The following STPG2 variants were observed in gnomAD, a reference collection of about 807,000 sequenced individuals.
STPG2 encodes the protein sperm tail PG-rich repeat containing 2, also known as sperm-tail PG-rich repeat-containing protein 2.
A neutral mutation model predicts 54.2 loss-of-function variants in STPG2; 56 were observed. The observed-to-expected ratio is 1.03, with a 90% CI of 0.83 to 1.29. The LOEUF (loss-of-function observed/expected upper bound fraction) is 1.29, where lower values mean the gene tolerates loss of function less well. Ranked by LOEUF, STPG2 falls within the 50% of genes most tolerant of loss-of-function variation. The pLI is 0.00. For synonymous variants in STPG2, 200 were observed against 181.8 expected (o/e 1.10, Z -0.81); for missense variants, 596 against 544.9 (o/e 1.09, Z -0.93).
At chr4:97,492,863 G>T (rs887389899) in intron 4 of STPG2, among the ~76,000 whole-genome samples, 1 of 149,786 alleles carries the variant, frequency 6.7e-6, no homozygotes, top group African/African-American at 2.4e-5. Context: ...TTCTAAGATG[G>T]CCACACCAAA....
intron 10 of STPG2, among the ~76,000 whole-genome samples, chr4:97,684,758 A>G: frequency 6.6e-6 from 1 of 152,000 alleles, no homozygotes; most frequent in Non-Finnish European, 1.5e-5. Flanking sequence ...CTCTTCATTA[A>G]AATTAAAAAC....
At chr4:97,653,287 C>T (rs115118907) in intron 10 of STPG2, among the ~76,000 whole-genome samples, 327 of 151,740 alleles carry the variant, frequency 2.2e-3, no homozygotes, top group African/African-American at 7.7e-3. Context: ...CCTTATTTGT[C>T]TAATTTTGTT....
At chr4:97,900,912 C>T (rs1226167424) in intron 8 of STPG2, among the ~76,000 whole-genome samples, 1 of 151,912 alleles carries the variant, frequency 6.6e-6, no homozygotes, top group Admixed American at 6.6e-5. Flanking sequence ...CATATGTATC[C>T]TCAAACTGAA....
At chr4:97,883,480 A>G (rs954943865) in intron 8 of STPG2, among the ~76,000 whole-genome samples, 5 of 152,170 alleles carry the variant, frequency 3.3e-5, no homozygotes, top group African/African-American at 1.2e-4. Context: ...GGAATTTAAA[A>G]TAACTATAAC....
intron 5 of STPG2, among the ~76,000 whole-genome samples, chr4:97,992,136 C>A (rs532912567): frequency 1.3e-5 from 2 of 152,078 alleles, no homozygotes; most frequent in Non-Finnish European, 1.5e-5. Context: ...GTTTCTGTTG[C>A]GTTTGCTATT....
intron 5 of STPG2, among the ~76,000 whole-genome samples, chr4:98,105,423 T>C (rs757453935): frequency 6.6e-6 from 1 of 152,136 alleles, no homozygotes; most frequent in Non-Finnish European, 1.5e-5. Flanking sequence ...CTGAGGGTTG[T>C]GGTAAGTTCT....
chr4:97,447,220 G>A (rs964468735), intron 4 of STPG2, among the ~76,000 whole-genome samples: 8 of 152,186 alleles, frequency 5.3e-5, no homozygotes, highest in Non-Finnish European at 8.8e-5. Flanking sequence ...TTGAACTTGA[G>A]AGAGATGATC....
chr4:97,718,015 C>G (rs1210986932), intron 9 of STPG2, among the ~76,000 whole-genome samples: 1 of 151,934 alleles, frequency 6.6e-6, no homozygotes, highest in Non-Finnish European at 1.5e-5. Context: ...AGAAAATTAT[C>G]AAGGCAAAAA....
intron 8 of STPG2, among the ~76,000 whole-genome samples, chr4:97,857,461 T>C (rs1233310472): frequency 6.6e-6 from 1 of 152,222 alleles, no homozygotes; most frequent in African/African-American, 2.4e-5. Flanking sequence ...GTGTTTATAG[T>C]ATTCTCTAAT....
chr4:98,020,712 T>C (rs1736152130), intron 5 of STPG2, among the ~76,000 whole-genome samples: 1 of 152,232 alleles, frequency 6.6e-6, no homozygotes, highest in Non-Finnish European at 1.5e-5. Flanking sequence ...TATTGGTCTA[T>C]TCAGAGATTC....
chr4:98,110,394 G>C (rs1739312679), intron 3 of STPG2, among the ~76,000 whole-genome samples: 1 of 152,140 alleles, frequency 6.6e-6, no homozygotes, highest in Non-Finnish European at 1.5e-5. Context: ...TGTTTAACCA[G>C]CATATGACCC....
chr4:97,464,402 C>A (rs886841477), intron 4 of STPG2, among the ~76,000 whole-genome samples: 4 of 152,076 alleles, frequency 2.6e-5, no homozygotes, highest in African/African-American at 9.7e-5. Context: ...GGAATTAATT[C>A]TATTCCAGTC....
chr4:97,835,451 C>G (rs890061796), intron 9 of STPG2, among the ~76,000 whole-genome samples: 9 of 152,170 alleles, frequency 5.9e-5, no homozygotes, highest in African/African-American at 2.2e-4. Context: ...ATTCTTTATT[C>G]CTTTATTTTC....
intron 10 of STPG2, among the ~76,000 whole-genome samples, chr4:97,675,553 C>T (rs1267591284): frequency 6.6e-6 from 1 of 152,034 alleles, no homozygotes; most frequent in African/African-American, 2.4e-5. Flanking sequence ...GAATGCGGTG[C>T]CCTGCACTGC....
intron 10 of STPG2, among the ~76,000 whole-genome samples, chr4:97,629,600 C>A (rs948187728): frequency 7.9e-5 from 12 of 151,974 alleles, no homozygotes; most frequent in African/African-American, 2.9e-4. Context: ...ACAGTGAATT[C>A]ATGAACACAT....
intron 7 of STPG2, among the ~76,000 whole-genome samples, chr4:97,966,032 G>A (rs1343699049): frequency 6.6e-6 from 1 of 152,172 alleles, no homozygotes; most frequent in African/African-American, 2.4e-5. Context: ...CCAGTTGACA[G>A]AAGTAGGCTT....
chr4:97,937,437 A>T (rs1042054658), intron 8 of STPG2, among the ~76,000 whole-genome samples: 1 of 152,074 alleles, frequency 6.6e-6, no homozygotes, highest in African/African-American at 2.4e-5. Flanking sequence ...AGGTGTTGTG[A>T]TCATTTCGAG....
intron 5 of STPG2, among the ~76,000 whole-genome samples, chr4:98,029,453 T>C (rs2149298649): frequency 6.6e-6 from 1 of 152,280 alleles, no homozygotes; most frequent in South Asian, 2.1e-4. Context: ...AGTAATACTC[T>C]TTATTCTTAT....
intron 8 of STPG2, among the ~76,000 whole-genome samples, chr4:97,907,265 C>G (rs1402020431): frequency 2.0e-5 from 3 of 151,210 alleles, no homozygotes; most frequent in Non-Finnish European, 4.4e-5. Context: ...CTCCCATTCA[C>G]AATTGCTTCC....
Sources: allele counts gnomAD v4.1 joint callset (sites outside exome capture counted in the v4.1 genomes callset), GRCh38; gene constraint gnomAD v4.1.1; transcripts MANE v1.5; gene names NCBI Gene and HGNC (gene_info 2026-07-23, HGNC 2026-07-21).